METAP1D: variants seen among roughly 807,000 people sequenced by gnomAD.
METAP1D encodes the protein methionine aminopeptidase 1D, mitochondrial.
METAP1D carries 31 observed loss-of-function variants against 40.5 expected under a neutral mutation model. The ratio of observed to expected loss-of-function variants is 0.77; its 90% CI spans 0.58 to 1.03. The LOEUF is 1.03. Among genes scored for constraint, METAP1D ranks in the 50% least tolerant of loss-of-function variants. METAP1D has a pLI of 0.00. For missense variants in METAP1D, 411 were observed against 420.7 expected, an observed-to-expected ratio of 0.98 and a Z score of 0.20; for synonymous variants, 151 against 146.4, an observed-to-expected ratio of 1.03 and a Z score of -0.22.
chr2:172,026,410 G>T (rs1242400724), intron 1 of METAP1D, among the ~76,000 whole-genome samples: 2 of 152,150 alleles, frequency 1.3e-5, no homozygotes, highest in African/African-American at 4.8e-5. Flanking sequence ...GCACACGTTT[G>T]GTTGTCTCAC....
At chr2:172,068,118 T>C (rs1224199838) in intron 5 of METAP1D, among the ~76,000 whole-genome samples, 1 of 152,240 alleles carries the variant, frequency 6.6e-6, no homozygotes, top group Non-Finnish European at 1.5e-5. Context: ...GCGCAGTGGC[T>C]CATGCCTGAA....
intron 6 of METAP1D, among the ~76,000 whole-genome samples, chr2:172,076,819 C>T (rs1472396470): frequency 1.3e-5 from 2 of 152,348 alleles, no homozygotes; most frequent in Non-Finnish European, 1.5e-5. Flanking sequence ...AAATAGTAGT[C>T]CTGTAAATCC....
At chr2:172,068,332 T>C (rs1264854083) in intron 5 of METAP1D, among the ~76,000 whole-genome samples, 1 of 152,038 alleles carries the variant, frequency 6.6e-6, no homozygotes, top group African/African-American at 2.4e-5. Context: ...AGGCAGAGGT[T>C]GCAGTGAGCT....
At chr2:172,037,587 C>T (rs1314960880) in intron 1 of METAP1D, among the ~76,000 whole-genome samples, 3 of 152,152 alleles carry the variant, frequency 2.0e-5, no homozygotes, top group Non-Finnish European at 4.4e-5. Flanking sequence ...TTTATTTCCC[C>T]ATTTTTTAAC....
intron 3 of METAP1D, chr2:172,064,201 A>C: frequency 5.3e-6 from 1 of 187,886 alleles, no homozygotes; most frequent in Non-Finnish European, 1.1e-5. Flanking sequence ...TTCAGCTTTT[A>C]CTCCCCACAT....
At position 172,000,014 on chromosome 2, in the gene METAP1D, G is replaced by T. The variant is rs947225751; in HGVS notation, c.40+5G>T. The T allele has an allele frequency of 7.5e-7, 1 of 1,332,330 alleles. No individual in the cohort carries two copies. Among genetic ancestry groups the T allele is most frequent in the Non-Finnish European group, 9.7e-7 (1 of 1,031,842 alleles). 82.5% of individuals were successfully genotyped at this position (1,332,330 alleles called of 1,614,324 possible). On this transcript the variant is annotated splice_donor_5th_base_variant and intron_variant, in intron 1 of 9. Coordinates refer to ENST00000315796, the MANE Select transcript of METAP1D (RefSeq NM_199227.3). ...TCCACCTGCTCGTCCGCAGAGGTAA[G>T]CGCGTGGAGGAGAGCCCCGTGAGGG... is the stretch of plus-strand genomic sequence containing the variant.
At chr2:172,072,401 C>T (rs924226696) in intron 6 of METAP1D, 1 of 167,380 alleles carries the variant, frequency 6.0e-6, no homozygotes. Flanking sequence ...CTATCGAGCT[C>T]TGCATTCATG....
chr2:172,039,151 A>G (rs1689459355), intron 1 of METAP1D, among the ~76,000 whole-genome samples: 1 of 152,184 alleles, frequency 6.6e-6, no homozygotes, highest in East Asian at 1.9e-4. Flanking sequence ...AAAAGTGGGA[A>G]TGGGACTTTC....
chr2:172,045,838 T>TATATATATATATATAC lies in METAP1D; in HGVS notation c.41-15645_41-15644insCATATATATATATATA, dbSNP rs1689750344. The stretch of plus-strand genomic sequence containing the variant: ...GTGTGTGTATATATATATATATATA[T>TATATATATATATATAC]ATATATATATATATATATATATATA... On this transcript the variant is annotated intron_variant, in intron 1 of 9. Transcript: ENST00000315796. Among the ~76,000 whole-genome samples the TATATATATATATATAC allele has an allele frequency of 4.2e-5, 4 of 94,812 alleles. No individual in the cohort carries two copies. The East Asian group carries it at 1.2e-3, about 28-fold the overall frequency. The allele number at this position is 94,812 out of a possible 152,430, so 62.2% of individuals were successfully genotyped here. A position where few individuals can be genotyped will look rare whatever the true frequency, so the allele number is the denominator to read the frequency against.
At position 171,999,984 on chromosome 2, in the gene METAP1D, T is replaced by G. The variant is rs1335700717; in HGVS notation, c.15T>G (p.Ser5Arg). 1.4e-5 allele frequency: 19 copies of G among 1,351,872 alleles called. No homozygotes were observed. Among genetic ancestry groups the G allele is most frequent in the Non-Finnish European group, 1.8e-5 (19 of 1,045,224 alleles). 83.7% of individuals were successfully genotyped at this position (1,351,872 alleles called of 1,614,324 possible). A position where few individuals can be genotyped will look rare whatever the true frequency, so the allele number is the denominator to read the frequency against. The change falls in exon 1 of 10, where the codon AGT (serine) becomes AGG (arginine). Residue 5 changes from serine to arginine, a missense_variant. Ser to Arg is a moderately radical substitution (Grantham distance 110). Transcript: ENST00000315796. Reference protein sequence around the residue: MAAPSGVHLLVRRGS... With the variant: MAAPRGVHLLVRRGS... ...CCGACGCCAACATGGCGGCGCCCAG[T>G]GGCGTCCACCTGCTCGTCCGCAGAG...
At chr2:172,072,442 TTCTC>T (rs1337369526) in intron 6 of METAP1D, 1 of 167,266 alleles carries the variant, frequency 6.0e-6, no homozygotes, top group Non-Finnish European at 1.5e-5. Flanking sequence ...CAGCCTTTGA[TTCTC>T]TCTGAGAGGT....
At chr2:172,028,719 C>G (rs902650491) in intron 1 of METAP1D, among the ~76,000 whole-genome samples, 3 of 152,144 alleles carry the variant, frequency 2.0e-5, no homozygotes, top group Admixed American at 2.0e-4. Context: ...AACTATATAA[C>G]AAATTTAGAC....
intron 1 of METAP1D, among the ~76,000 whole-genome samples, chr2:172,018,987 A>T (rs1688944349): frequency 1.3e-5 from 2 of 152,190 alleles, no homozygotes; most frequent in Non-Finnish European, 2.9e-5. Context: ...CCACTCTTAC[A>T]TAGAAGCAGA....
At chr2:172,023,297 G>C (rs780931694) in intron 1 of METAP1D, among the ~76,000 whole-genome samples, 5 of 152,198 alleles carry the variant, frequency 3.3e-5, no homozygotes, top group Non-Finnish European at 7.3e-5. Flanking sequence ...AGTGGGAAAA[G>C]CATTTAAACT....
intron 1 of METAP1D, among the ~76,000 whole-genome samples, chr2:172,049,536 G>C (rs1017533035): frequency 6.6e-5 from 10 of 151,886 alleles, no homozygotes; most frequent in African/African-American, 1.9e-4. Context: ...TGTACTTTTT[G>C]AATTAATACC....
chr2:172,058,582 G>T (rs1458212420), intron 1 of METAP1D, among the ~76,000 whole-genome samples: 1 of 151,496 alleles, frequency 6.6e-6, no homozygotes, highest in Non-Finnish European at 1.5e-5. Context: ...GTCTTGCTTT[G>T]TTGCCCAAGC....
At chr2:172,033,939 T>C (rs1290004539) in intron 1 of METAP1D, among the ~76,000 whole-genome samples, 2 of 151,526 alleles carry the variant, frequency 1.3e-5, no homozygotes, top group Non-Finnish European at 2.9e-5. Flanking sequence ...TAGCTGGCAG[T>C]GGTGGTGCGT....
chr2:172,000,739 C>A (rs1001726933), intron 1 of METAP1D, among the ~76,000 whole-genome samples: 8 of 152,202 alleles, frequency 5.3e-5, no homozygotes. Flanking sequence ...GTAACAGCTA[C>A]TGTTTATTAA....
chr2:172,016,344 G>T, intron 1 of METAP1D, among the ~76,000 whole-genome samples: 1 of 126,212 alleles, frequency 7.9e-6, no homozygotes, highest in Non-Finnish European at 1.6e-5. Context: ...TAGTCCAGGC[G>T]TGGTGACTAA....
Sources: allele counts gnomAD v4.1 joint callset (sites outside exome capture counted in the v4.1 genomes callset), GRCh38; gene constraint gnomAD v4.1.1; transcripts MANE v1.5; gene names NCBI Gene and HGNC (gene_info 2026-07-23, HGNC 2026-07-21).